The following TCF12 variants were observed in gnomAD, a reference collection of about 807,000 sequenced individuals.
TCF12 encodes DNA-binding protein HTF4.
TCF12 carries 45 observed loss-of-function variants against 86.0 expected under a neutral mutation model. The observed-to-expected ratio is 0.52, with a 90% CI of 0.41 to 0.67. TCF12 has a LOEUF of 0.67. TCF12 is among the 30% of genes least tolerant of loss of function. The probability of loss-of-function intolerance (pLI) is 0.00; values close to 1 mark genes in which losing one functional copy is unlikely to be tolerated. For synonymous variants in TCF12, 330 were observed against 299.6 expected (o/e 1.10, Z -1.05); for missense variants, 881 against 859.9 (o/e 1.02, Z -0.31).
At chr15:57,083,942 C>A (rs1567387843) in intron 4 of TCF12, among the ~76,000 whole-genome samples, 1 of 151,984 alleles carries the variant, frequency 6.6e-6, no homozygotes, top group East Asian at 1.9e-4. Flanking sequence ...TTTTTCCGGC[C>A]TGTTGTTATA....
intron 5 of TCF12, among the ~76,000 whole-genome samples, chr15:57,156,804 T>C (rs142135623): frequency 6.6e-6 from 1 of 152,282 alleles, no homozygotes; most frequent in East Asian, 1.9e-4. Flanking sequence ...CTAAATTAAA[T>C]AGTCAAAATA....
At chr15:57,082,008 G>C (rs1366433155) in intron 4 of TCF12, among the ~76,000 whole-genome samples, 1 of 152,170 alleles carries the variant, frequency 6.6e-6, no homozygotes, top group African/African-American at 2.4e-5. Context: ...AATGAATCTA[G>C]GCCAGGGATT....
intron 5 of TCF12, among the ~76,000 whole-genome samples, chr15:57,142,954 CA>C (rs1239117168): frequency 1.3e-5 from 2 of 152,056 alleles, no homozygotes; most frequent in Admixed American, 6.6e-5. Context: ...TTTGATAGCA[CA>C]ATGTGACTGC....
chr15:57,150,911 C>T (rs1270279618), intron 5 of TCF12, among the ~76,000 whole-genome samples: 1 of 138,342 alleles, frequency 7.2e-6, no homozygotes, highest in Non-Finnish European at 1.6e-5. Flanking sequence ...TCCTTCCTTC[C>T]TTCCTTCCTT....
At chr15:57,008,032 C>T (rs970660682) in intron 3 of TCF12, among the ~76,000 whole-genome samples, 1 of 151,374 alleles carries the variant, frequency 6.6e-6, no homozygotes, top group Non-Finnish European at 1.5e-5. Flanking sequence ...ATGATCATAG[C>T]TCACTGCAAT....
chr15:57,272,745 T>C (rs1406076931), intron 18 of TCF12, among the ~76,000 whole-genome samples: 1 of 152,236 alleles, frequency 6.6e-6, no homozygotes, highest in Non-Finnish European at 1.5e-5. Flanking sequence ...ATGTAGTTGT[T>C]GATCTTATAT....
intron 8 of TCF12, among the ~76,000 whole-genome samples, chr15:57,210,187 G>GA (rs1445537444): frequency 6.6e-6 from 1 of 151,960 alleles, no homozygotes; most frequent in African/African-American, 2.4e-5. Flanking sequence ...CTGCAGCACA[G>GA]AGGTGCATAA....
At chr15:57,158,337 C>A (rs2054268299) in intron 5 of TCF12, among the ~76,000 whole-genome samples, 1 of 151,948 alleles carries the variant, frequency 6.6e-6, no homozygotes, top group Non-Finnish European at 1.5e-5. Context: ...TACCACCATG[C>A]CCAGATGATT....
chr15:57,011,771 T>C (rs1187541937), intron 3 of TCF12, among the ~76,000 whole-genome samples: 1 of 152,118 alleles, frequency 6.6e-6, no homozygotes, highest in East Asian at 1.9e-4. Context: ...CAGTGCCTTG[T>C]ATGCAAAAAC....
At chr15:57,056,577 A>AGCCTCT (rs1474463516) in intron 3 of TCF12, among the ~76,000 whole-genome samples, 8 of 152,106 alleles carry the variant, frequency 5.3e-5, no homozygotes, top group African/African-American at 1.7e-4. Flanking sequence ...CTCCAATGTT[A>AGCCTCT]ACCTCCCACG....
chr15:57,271,133 A>G (rs1340087181), intron 18 of TCF12, among the ~76,000 whole-genome samples: 1 of 152,190 alleles, frequency 6.6e-6, no homozygotes, highest in Non-Finnish European at 1.5e-5. Flanking sequence ...AGTCTGGAGA[A>G]ACTGTCTGCT....
chr15:57,052,929 G>C (rs1449187297), intron 3 of TCF12, among the ~76,000 whole-genome samples: 2 of 152,132 alleles, frequency 1.3e-5, no homozygotes, highest in East Asian at 1.9e-4. Context: ...TGGGAATACA[G>C]ATATCTCTTT....
intron 5 of TCF12, among the ~76,000 whole-genome samples, chr15:57,140,391 G>A (rs982615539): frequency 2.6e-5 from 4 of 152,096 alleles, no homozygotes; most frequent in South Asian, 4.1e-4. Context: ...ACAGATTATC[G>A]GGATCAGGAG....
intron 5 of TCF12, among the ~76,000 whole-genome samples, chr15:57,133,817 T>C (rs75360336): frequency 9.5e-4 from 145 of 152,362 alleles, no homozygotes; most frequent in Admixed American, 2.2e-3. Flanking sequence ...TAGGATGTTA[T>C]GTGCTTTTCT....
chr15:56,953,686 A>G (rs1275015450), intron 3 of TCF12, among the ~76,000 whole-genome samples: 1 of 152,054 alleles, frequency 6.6e-6, no homozygotes, highest in African/African-American at 2.4e-5. Flanking sequence ...TTTATATCAT[A>G]TAAGTTGTCG....
intron 4 of TCF12, among the ~76,000 whole-genome samples, chr15:57,081,965 C>A (rs561027860): frequency 6.6e-6 from 1 of 152,182 alleles, no homozygotes; most frequent in Non-Finnish European, 1.5e-5. Context: ...ACTGATCTAT[C>A]AGCTGTGGCT....
intron 6 of TCF12, among the ~76,000 whole-genome samples, chr15:57,184,303 A>C (rs2056537833): frequency 6.6e-6 from 1 of 152,164 alleles, no homozygotes; most frequent in African/African-American, 2.4e-5. Context: ...CTGTTTTTCA[A>C]GAAAAGTATT....
chr15:57,001,538 T>G lies in TCF12; in HGVS notation c.149-62212T>G, dbSNP rs574823487. Among the ~76,000 whole-genome samples, 3 of 152,334 alleles carry G rather than the reference T, an allele frequency of 2.0e-5. No individual in the cohort carries two copies. In the South Asian group the frequency reaches 6.2e-4, roughly 32 times the overall value. On this transcript the variant is annotated intron_variant, in intron 3 of 20. Transcript: ENST00000333725. ...AGATTTAAAAAATATTCGTTGGATT[T>G]GATTGTTGCATGTTTTAGTTTCTTT...
At position 56,995,231 on chromosome 15, in the gene TCF12, C is replaced by CTTTTTTTTTTTTTTTTTTTTTT. The variant is rs557610511; in HGVS notation, c.149-68512_149-68491dup. Among the ~76,000 whole-genome samples the CTTTTTTTTTTTTTTTTTTTTTT allele has an allele frequency of 3.0e-4, 9 of 30,304 alleles. 2 individuals are homozygous for CTTTTTTTTTTTTTTTTTTTTTT. The highest frequency in any genetic ancestry group is 3.7e-4 in the Non-Finnish European group (6 of 16,184). 19.9% of individuals were successfully genotyped at this position (30,304 alleles called of 152,430 possible). ...AAGTCAGGTAATGTGATACCTGCAG[C>CTTTTTTTTTTTTTTTTTTTTTT]TTTTTTTTTTTTTTTTTTTTTTTTT... is the stretch of plus-strand genomic sequence containing the variant. On this transcript the variant is annotated intron_variant, in intron 3 of 20. Transcript: ENST00000333725.
Sources: allele counts gnomAD v4.1 joint callset (sites outside exome capture counted in the v4.1 genomes callset), GRCh38; gene constraint gnomAD v4.1.1; transcripts MANE v1.5; gene names NCBI Gene and HGNC (gene_info 2026-07-23, HGNC 2026-07-21).